Variants in TMA7 observed in about 807,000 individuals in gnomAD.
TMA7 encodes the protein translation machinery-associated protein 7.
Under a neutral mutation model 12.5 loss-of-function variants are expected in TMA7, and 5 were observed. The observed-to-expected ratio is 0.40, with a 90% CI of 0.21 to 0.84. The LOEUF is 0.84. Ranked by LOEUF, TMA7 falls within the 40% of genes least tolerant of loss-of-function variation. The pLI, the probability that TMA7 is intolerant of heterozygous loss-of-function variation, is 0.36. For synonymous variants in TMA7, 36 were observed against 28.1 expected, an observed-to-expected ratio of 1.28 and a Z score of -0.89; for missense variants, 71 against 75.4, an observed-to-expected ratio of 0.94 and a Z score of 0.22.
chr3:48,440,610 G>A lies in TMA7; in HGVS notation c.142G>A (p.Ala48Thr). 2 of 1,611,530 alleles carry A rather than the reference G, an allele frequency of 1.2e-6. No individual in the cohort carries two copies. The highest frequency in any genetic ancestry group is 2.2e-5 in the South Asian group (2 of 90,914). ...ACTCGAGGAGCTAAAAGCGAAGGCC[G>A]CGGGGAAGGGGCCCTTGGGTAAGTG... is the stretch of plus-strand genomic sequence containing the variant. Reference protein sequence around the residue: ...KKLEELKAKAAGKGPLATGGI... With the variant: ...KKLEELKAKATGKGPLATGGI... Residue 48 changes from alanine (A) to threonine (T), a missense_variant, in exon 3 of 4, where the codon GCG becomes ACG. By Grantham distance (58) the Ala-to-Thr change is moderately conservative. Transcript: ENST00000438607.
At chr3:48,441,480 G>C (rs1264654716) in intron 3 of TMA7, among the ~76,000 whole-genome samples, 1 of 119,048 alleles carries the variant, frequency 8.4e-6, no homozygotes, top group African/African-American at 3.1e-5. Context: ...ACAGCACCTG[G>C]CCAACTTTTT....
chr3:48,443,640 T>C (rs547089732), intron 3 of TMA7, among the ~76,000 whole-genome samples: 1 of 112,472 alleles, frequency 8.9e-6, no homozygotes, highest in South Asian at 2.8e-4. Context: ...TCTAGACCAG[T>C]GCACAGCCAG....
At chr3:48,441,345 G>GT (rs1222910489) in intron 3 of TMA7, among the ~76,000 whole-genome samples, 2,016 of 150,482 alleles carry the variant, frequency 0.013, 39 homozygotes, top group African/African-American at 0.045. Context: ...CACCTGGCCA[G>GT]TTTTTTTTTG....
rs1226977369 is a variant in TMA7, at chr3:48,443,880, T to C, written c.193T>C (p.Ter65GlnextTer6). The change falls in exon 4 of 4, where the codon TAA becomes CAA. Residue 65 changes from the stop codon to glutamine (Q), a stop_lost. Coordinates refer to ENST00000438607, the MANE Select transcript of TMA7 (RefSeq NM_015933.6). ...TGGAATTAAGAAATCTGGCAAAAAG[T>C]AAGCTGTTCCTTGTGCCTGAGGAGA... ...TGGIKKSGKK[*>Q] 12 of 1,557,654 alleles carry C rather than the reference T, an allele frequency of 7.7e-6. No individual in the cohort carries two copies. The highest frequency in any genetic ancestry group is 1.0e-5 in the Non-Finnish European group (12 of 1,157,990).
chr3:48,440,650 C>G (rs763592677), intron 3 of TMA7, 22 bp downstream of exon 3: 1 of 1,603,816 alleles, frequency 6.2e-7, no homozygotes, highest in Admixed American at 1.7e-5. Context: ...CCGAATGGAG[C>G]TCAAGCTGGC....
intron 3 of TMA7, 24 bp downstream of exon 3, chr3:48,440,652 C>G: frequency 6.2e-7 from 1 of 1,601,874 alleles, no homozygotes; most frequent in Non-Finnish European, 8.5e-7. Context: ...GAATGGAGCT[C>G]AAGCTGGCCA....
chr3:48,443,590 G>A (rs896198774), intron 3 of TMA7, among the ~76,000 whole-genome samples: 5 of 152,036 alleles, frequency 3.3e-5, no homozygotes, highest in African/African-American at 1.2e-4. Context: ...ATGGCATGAG[G>A]ATTAAATAAG....
chr3:48,442,585 G>A (rs1000591725), intron 3 of TMA7, among the ~76,000 whole-genome samples: 2 of 151,592 alleles, frequency 1.3e-5, no homozygotes, highest in Non-Finnish European at 2.9e-5. Context: ...CTGAGTAGCT[G>A]GGATTACAGG....
At chr3:48,442,260 CAAA>C (rs199829895) in intron 3 of TMA7, among the ~76,000 whole-genome samples, 4,481 of 131,732 alleles carry the variant, frequency 0.034, 192 homozygotes, top group African/African-American at 0.11. Flanking sequence ...GACCCTATCT[CAAA>C]AAAAAAAAAA....
At chr3:48,443,241 C>CAAAAAA (rs3082576) in intron 3 of TMA7, among the ~76,000 whole-genome samples, 29 of 70,530 alleles carry the variant, frequency 4.1e-4, no homozygotes, top group African/African-American at 1.7e-3. Flanking sequence ...ACTCCATCTC[C>CAAAAAA]AAAAAAAAAA....
In TMA7 at chr3:48,444,051, G is replaced by C. The variant is rs1188317268; in HGVS notation, c.*169G>C. ...TGTAAAAAAAGAAAAATCTTACAGTGGCTCATCATCTCTTTAGTTGTTTTC... is the reference window on the plus strand; with the variant it reads ...TGTAAAAAAAGAAAAATCTTACAGTCGCTCATCATCTCTTTAGTTGTTTTC... On this transcript the variant is annotated 3_prime_UTR_variant, in exon 4 of 4. Coordinates refer to ENST00000438607, the MANE Select transcript of TMA7 (RefSeq NM_015933.6). 6.7e-6 allele frequency: 3 copies of C among 450,562 alleles called. No homozygotes were observed. The highest frequency in any genetic ancestry group is 1.1e-5 in the Non-Finnish European group (3 of 263,810). 27.9% of individuals were successfully genotyped at this position (450,562 alleles called of 1,614,324 possible). A position where few individuals can be genotyped will look rare whatever the true frequency, so the allele number is the denominator to read the frequency against.
intron 3 of TMA7, among the ~76,000 whole-genome samples, chr3:48,442,300 A>C (rs2039589907): frequency 6.6e-6 from 1 of 150,770 alleles, no homozygotes; most frequent in African/African-American, 2.4e-5. Flanking sequence ...ACCCTCTTTT[A>C]ATCTGTGATT....
At chr3:48,443,172 C>T (rs970669942) in intron 3 of TMA7, among the ~76,000 whole-genome samples, 1 of 139,554 alleles carries the variant, frequency 7.2e-6, no homozygotes. Context: ...ACCTGGGAGG[C>T]GGAGGCTGCA....
Position 48,440,947 on chromosome 3 carries a change from C to T in TMA7, c.160+319C>T, listed in dbSNP as rs569507117. 1.1e-5 allele frequency: 5 copies of T among 450,570 alleles called. No homozygotes were observed. In the East Asian group the frequency reaches 2.1e-4, roughly 19 times the overall value. The allele number at this position is 450,570 out of a possible 1,614,324, so 27.9% of individuals were successfully genotyped here. A position where few individuals can be genotyped will look rare whatever the true frequency, so the allele number is the denominator to read the frequency against. ...CTCAAAGTCTGACGTCGTCCGCAATCTTTTGCCCCAAATTCGTATTTCACT... is the reference window on the plus strand; with the variant it reads ...CTCAAAGTCTGACGTCGTCCGCAATTTTTTGCCCCAAATTCGTATTTCACT... On this transcript the variant is annotated intron_variant, in intron 3 of 3. Coordinates refer to ENST00000438607, the MANE Select transcript of TMA7 (RefSeq NM_015933.6).
chr3:48,440,837 T>C (rs1297543264), intron 3 of TMA7: 3 of 601,130 alleles, frequency 5.0e-6, no homozygotes, highest in Non-Finnish European at 8.9e-6. Context: ...TCCCAGGCAG[T>C]CTGGGCTTCC....
At chr3:48,440,829 C>G (rs2039543998) in intron 3 of TMA7, 1 of 606,102 alleles carries the variant, frequency 1.6e-6, no homozygotes, top group South Asian at 2.0e-5. Context: ...CTCCTGCCTC[C>G]CAGGCAGTCT....
In TMA7 at chr3:48,443,973, T is replaced by C. The variant is rs140064569; in HGVS notation, c.*91T>C. 8.4e-5 allele frequency: 78 copies of C among 930,572 alleles called. No homozygotes were observed. The African/African-American group carries it at 1.2e-3, about 14-fold the overall frequency. The allele number at this position is 930,572 out of a possible 1,614,324, so 57.6% of individuals were successfully genotyped here. A position where few individuals can be genotyped will look rare whatever the true frequency, so the allele number is the denominator to read the frequency against. ...CTGCCATAACATCTTTTGCCACGTA[T>C]AGCTGGAATTAAGTGTTGTCTTGGA... On this transcript the variant is annotated 3_prime_UTR_variant, in exon 4 of 4. Transcript: ENST00000438607.
At chr3:48,443,367 G>A (rs2039610773) in intron 3 of TMA7, among the ~76,000 whole-genome samples, 1 of 151,672 alleles carries the variant, frequency 6.6e-6, no homozygotes, top group African/African-American at 2.4e-5. Context: ...GACCAATATG[G>A]TGAGCCCCGT....
intron 3 of TMA7, among the ~76,000 whole-genome samples, chr3:48,441,424 T>A (rs1444083591): frequency 6.7e-6 from 1 of 149,422 alleles, no homozygotes; most frequent in Non-Finnish European, 1.5e-5. Flanking sequence ...TTCAAGTGAT[T>A]CACCCGCCTC....
Sources: gnomAD v4.1 joint callset for allele counts (sites outside exome capture counted in the v4.1 genomes callset) on GRCh38, gnomAD v4.1.1 for gene constraint, MANE v1.5 for transcripts, NCBI Gene and HGNC (gene_info 2026-07-23, HGNC 2026-07-21) for gene names.